The following PDE4D variants were observed in gnomAD, a reference collection of about 807,000 sequenced individuals.
PDE4D encodes 3',5'-cyclic-AMP phosphodiesterase 4D.
Under a neutral mutation model 87.4 loss-of-function variants are expected in PDE4D, and 24 were observed. The ratio of observed to expected loss-of-function variants is 0.27; its 90% confidence interval spans 0.20 to 0.39. The LOEUF (loss-of-function observed/expected upper bound fraction) is 0.39, where lower values mean the gene tolerates loss of function less well. Among genes scored for constraint, PDE4D ranks in the 10% least tolerant of loss-of-function variants. PDE4D has a pLI of 1.00. For synonymous variants in PDE4D, 384 were observed against 383.2 expected (o/e 1.00, Z -0.02); for missense variants, 714 against 1,041.0 (o/e 0.69, Z 4.32).
chr5:59,127,106 G>A (rs924716315), intron 5 of PDE4D, among the ~76,000 whole-genome samples: 4 of 152,204 alleles, frequency 2.6e-5, no homozygotes, highest in African/African-American at 9.7e-5. Flanking sequence ...ATCACAACAT[G>A]CCTGCAGTGT....
intron 2 of PDE4D, among the ~76,000 whole-genome samples, chr5:60,145,975 A>T (rs1780957567): frequency 6.6e-6 from 1 of 152,178 alleles, no homozygotes; most frequent in Admixed American, 6.5e-5. Context: ...GCACTTTGGG[A>T]AGCTGAGGCA....
upstream of PDE4D, chr5:60,490,237 C>T (rs538995682): frequency 1.3e-5 from 2 of 152,264 alleles, no homozygotes; most frequent in South Asian, 2.1e-4. Flanking sequence ...CTGCTCTTCC[C>T]CTCCTATAAT....
intron 1 of PDE4D, among the ~76,000 whole-genome samples, chr5:60,385,919 C>G (rs1289334671): frequency 1.3e-5 from 2 of 152,142 alleles, no homozygotes; most frequent in Non-Finnish European, 2.9e-5. Flanking sequence ...TGCCACTGCC[C>G]TGCCTTCTGT....
intron 1 of PDE4D, among the ~76,000 whole-genome samples, chr5:59,810,670 T>C (rs367786823): frequency 5.9e-5 from 9 of 152,358 alleles, no homozygotes; most frequent in African/African-American, 2.2e-4. Context: ...TCAGGGTCAC[T>C]GCAGTCTCAG....
At chr5:59,682,099 A>G (rs1016015860) in intron 1 of PDE4D, among the ~76,000 whole-genome samples, 1 of 151,966 alleles carries the variant, frequency 6.6e-6, no homozygotes, top group Non-Finnish European at 1.5e-5. Context: ...GGTATCTGTT[A>G]CAGCAGCATT....
intron 1 of PDE4D, among the ~76,000 whole-genome samples, chr5:59,821,771 A>G (rs972744395): frequency 2.0e-5 from 3 of 152,150 alleles, no homozygotes; most frequent in African/African-American, 4.8e-5. Flanking sequence ...ATCATTTCCA[A>G]TTTCTACGGT....
chr5:59,998,559 C>T (rs1001043542), intron 2 of PDE4D, among the ~76,000 whole-genome samples: 8 of 152,018 alleles, frequency 5.3e-5, no homozygotes, highest in African/African-American at 1.9e-4. Context: ...TACAACTTTT[C>T]CAAGACTTAT....
intron 3 of PDE4D, chr5:59,987,536 T>G (rs1762569452): frequency 1.3e-5 from 2 of 152,326 alleles, no homozygotes; most frequent in Admixed American, 6.5e-5. Context: ...AAATTTCCTC[T>G]GAGCACAACC....
chr5:59,756,494 T>C (rs182707711), intron 1 of PDE4D, among the ~76,000 whole-genome samples: 1 of 101,968 alleles, frequency 9.8e-6, no homozygotes, highest in Non-Finnish European at 2.3e-5. Context: ...TCTATGTGCA[T>C]GTAAACCCAA....
chr5:58,978,420 A>G (rs1386796476), intron 11 of PDE4D, among the ~76,000 whole-genome samples: 1 of 151,250 alleles, frequency 6.6e-6, no homozygotes, highest in East Asian at 1.9e-4. Flanking sequence ...TGTTTCAAAA[A>G]GAAAAGAAAA....
chr5:59,107,193 A>C (rs1004764198), intron 5 of PDE4D, among the ~76,000 whole-genome samples: 5 of 152,032 alleles, frequency 3.3e-5, no homozygotes, highest in African/African-American at 1.2e-4. Flanking sequence ...GAGAGTGCTG[A>C]GGGCATTTTT....
At chr5:59,571,232 T>C (rs1168309158) in intron 1 of PDE4D, among the ~76,000 whole-genome samples, 1 of 152,220 alleles carries the variant, frequency 6.6e-6, no homozygotes, top group Non-Finnish European at 1.5e-5. Flanking sequence ...TTAAGAACAA[T>C]ATATGCCAGG....
intron 1 of PDE4D, among the ~76,000 whole-genome samples, chr5:59,504,588 G>A (rs1808895217): frequency 6.6e-6 from 1 of 152,006 alleles, no homozygotes; most frequent in Non-Finnish European, 1.5e-5. Context: ...ATTTTTTGAT[G>A]TGTCATTGCT....
chr5:59,158,767 C>T (rs557049950), intron 5 of PDE4D, among the ~76,000 whole-genome samples: 1 of 152,292 alleles, frequency 6.6e-6, no homozygotes, highest in African/African-American at 2.4e-5. Flanking sequence ...ACACAGAGAG[C>T]TAGGCAGAGC....
intron 1 of PDE4D, among the ~76,000 whole-genome samples, chr5:60,415,166 C>T (rs1364569412): frequency 6.6e-6 from 1 of 152,272 alleles, no homozygotes; most frequent in Non-Finnish European, 1.5e-5. Flanking sequence ...ATTTCCTAGA[C>T]CCTCTGCATC....
At chr5:60,001,340 AT>A (rs1763993820) in intron 2 of PDE4D, among the ~76,000 whole-genome samples, 1 of 152,214 alleles carries the variant, frequency 6.6e-6, no homozygotes, top group Non-Finnish European at 1.5e-5. Context: ...ATAATATGGA[AT>A]AATATATTCA....
At chr5:60,439,692 T>C (rs1381536655) in intron 1 of PDE4D, among the ~76,000 whole-genome samples, 5 of 152,140 alleles carry the variant, frequency 3.3e-5, no homozygotes, top group Non-Finnish European at 7.4e-5. Flanking sequence ...CTGTCCATTC[T>C]ACTTTCAAAA....
At chr5:59,111,036 T>C (rs1772543481) in intron 5 of PDE4D, among the ~76,000 whole-genome samples, 4 of 152,278 alleles carry the variant, frequency 2.6e-5, no homozygotes, top group Admixed American at 2.6e-4. Flanking sequence ...TTGAACTATG[T>C]CAAAAAGTCC....
intron 1 of PDE4D, among the ~76,000 whole-genome samples, chr5:59,573,527 T>G (rs2153696593): frequency 6.6e-6 from 1 of 152,230 alleles, no homozygotes; most frequent in Middle Eastern, 3.4e-3. Flanking sequence ...AGGGCGAATT[T>G]TCCTCATCCT....
Sources: allele counts gnomAD v4.1 joint callset (sites outside exome capture counted in the v4.1 genomes callset), GRCh38; gene constraint gnomAD v4.1.1; transcripts MANE v1.5; gene names NCBI Gene and HGNC (gene_info 2026-07-23, HGNC 2026-07-21).